The following WNK2 variants were observed in gnomAD, a reference collection of about 807,000 sequenced individuals.
WNK2 encodes the protein serine/threonine-protein kinase WNK2.
WNK2 carries 67 observed loss-of-function variants against 192.1 expected under a neutral mutation model. The observed-to-expected ratio is 0.35, with a 90% CI of 0.29 to 0.43. The LOEUF (loss-of-function observed/expected upper bound fraction) is 0.43, where lower values mean the gene tolerates loss of function less well. Ranked by LOEUF, WNK2 falls within the 20% of genes least tolerant of loss-of-function variation. The pLI, the probability that WNK2 is intolerant of heterozygous loss-of-function variation, is 1.00. For missense variants in WNK2, 2,698 were observed against 3,089.7 expected, an observed-to-expected ratio of 0.87 and a Z score of 3.01; for synonymous variants, 1,439 against 1,393.9, an observed-to-expected ratio of 1.03 and a Z score of -0.72.
At position 93,257,109 on chromosome 9, in the gene WNK2, C is replaced by T. The variant is rs1564101961; in HGVS notation, c.2352C>T (p.Pro784=). Residue 784 remains proline, a synonymous_variant, in exon 11 of 30, where the codon CCC becomes CCT. Transcript: ENST00000427277. This position sits in a 1 kb window ranked among gnomAD's most constrained non-coding sequence, Gnocchi z 4.7. ...QLKPLQMPQA[P]LQPLAQVPPQ... is the part of the protein sequence containing the mutation. ...AGCCCCTCCAGATGCCACAGGCGCCCCTGCAGCCGCTTGCTCAAGTCCCTC... is the reference window on the plus strand; with the variant it reads ...AGCCCCTCCAGATGCCACAGGCGCCTCTGCAGCCGCTTGCTCAAGTCCCTC... 4.4e-6 allele frequency: 7 copies of T among 1,608,940 alleles called. No homozygotes were observed. The highest frequency in any genetic ancestry group is 5.9e-6 in the Non-Finnish European group (7 of 1,179,028).
At chr9:93,237,857 CT>C (rs35498888) in intron 5 of WNK2, among the ~76,000 whole-genome samples, 23,765 of 143,782 alleles carry the variant, frequency 0.17, 2,058 homozygotes, top group East Asian at 0.32. Context: ...ACTTGGGGCT[CT>C]TTTTTTTTTT....
chr9:93,262,800 T>G, intron 14 of WNK2, 81 bp downstream of exon 14: 1 of 1,496,606 alleles, frequency 6.7e-7, no homozygotes, highest in Non-Finnish European at 9.2e-7. Context: ...CTCCTGCTGC[T>G]GCTTCCCCTG....
chr9:93,230,733 G>A (rs34834050), intron 3 of WNK2, among the ~76,000 whole-genome samples, 155 bp from the exon 4 acceptor site: 21,940 of 152,228 alleles, frequency 0.14, 1,663 homozygotes, highest in South Asian at 0.28. Flanking sequence ...GGAACTGTCC[G>A]GCCCTCCCGT....
chr9:93,263,281 G>A (rs1267066348), intron 14 of WNK2: 1 of 515,424 alleles, frequency 1.9e-6, no homozygotes, highest in Non-Finnish European at 3.5e-6. Context: ...GGGAAACTGA[G>A]GCACAGGGGC....
intron 2 of WNK2, among the ~76,000 whole-genome samples, chr9:93,225,070 C>T (rs193049870): frequency 4.6e-5 from 7 of 152,156 alleles, no homozygotes; most frequent in Admixed American, 4.6e-4. Context: ...GGGCTCTGGG[C>T]AGGGCTCAGA....
At chr9:93,190,486 G>A (rs1238346337) in intron 2 of WNK2, among the ~76,000 whole-genome samples, 1 of 152,250 alleles carries the variant, frequency 6.6e-6, no homozygotes, top group African/African-American at 2.4e-5. Context: ...CCAGAGGGAG[G>A]ACCCCAGCAC....
intron 9 of WNK2, among the ~76,000 whole-genome samples, chr9:93,254,807 T>C (rs769430044): frequency 6.6e-6 from 1 of 151,576 alleles, no homozygotes; most frequent in Non-Finnish European, 1.5e-5. Context: ...CTACAACAAA[T>C]TTAAAAAAAA....
chr9:93,211,485 C>G (rs937097024), intron 2 of WNK2, among the ~76,000 whole-genome samples: 1 of 148,628 alleles, frequency 6.7e-6, no homozygotes. Context: ...CACTCACTCA[C>G]TCATCCACTC....
At chr9:93,240,526 C>T (rs1390589199) in intron 7 of WNK2, among the ~76,000 whole-genome samples, 1 of 152,122 alleles carries the variant, frequency 6.6e-6, no homozygotes, top group East Asian at 1.9e-4. Flanking sequence ...TTGGGGCTGG[C>T]AGCAGAAGTG....
Position 93,202,364 on chromosome 9 carries a change from G to GTGTGTGTGTA in WNK2, c.681+16757_681+16758insGTGTGTATGT, listed in dbSNP as rs576221975. 2.7e-3 allele frequency among the ~76,000 whole-genome samples: 392 copies of GTGTGTGTGTA among 146,112 alleles called. 1 individual carries two copies. The highest frequency in any genetic ancestry group is 8.2e-3 in the African/African-American group (327 of 39,816). On this transcript the variant is annotated intron_variant, in intron 2 of 29. Coordinates refer to ENST00000427277, the MANE Select transcript of WNK2 (RefSeq NM_006648.4). ...TGTGTGTGTGTGTGTGTGTGTGTGT[G>GTGTGTGTGTA]TGTATGTCTCGTCTTTGGCTCGTTT... is the stretch of plus-strand genomic sequence containing the variant.
chr9:93,197,840 G>A (rs1831551445), intron 2 of WNK2, among the ~76,000 whole-genome samples: 1 of 152,122 alleles, frequency 6.6e-6, no homozygotes, highest in Admixed American at 6.6e-5. Flanking sequence ...GTTTCTGTAC[G>A]ACCGTGTGAG....
At chr9:93,212,407 C>T (rs1351197484) in intron 2 of WNK2, among the ~76,000 whole-genome samples, 2 of 152,172 alleles carry the variant, frequency 1.3e-5, no homozygotes, top group Non-Finnish European at 2.9e-5. Flanking sequence ...TGGCCCCAGC[C>T]CCATCTGTCT....
chr9:93,320,329 G>A (rs772605959), intron 29 of WNK2, 38 bp from the exon 30 acceptor site: 42 of 1,367,292 alleles, frequency 3.1e-5, no homozygotes, highest in Middle Eastern at 2.1e-4. Context: ...CCAGCACTGC[G>A]GTGGGCCCAC....
In WNK2 at chr9:93,289,582, G is replaced by A. The variant is rs1221624618; in HGVS notation, c.4828G>A (p.Glu1610Lys). 1 of 1,517,748 alleles carries A rather than the reference G, an allele frequency of 6.6e-7. No homozygotes were observed. The allele number at this position is 1,517,748 out of a possible 1,614,324, so 94.0% of individuals were successfully genotyped here. Residue 1610 changes from glutamate (E) to lysine (K), a missense_variant, in exon 20 of 30, where the codon GAG becomes AAG. Physicochemically the swap from Glu to Lys is moderately conservative, Grantham distance 56. Transcript: ENST00000427277. ...CCTGGCCCTGCCCCCAGTGCCTAAG[G>A]AGGCGGTCTCAGGGCGTGTCCAGCT... Reference protein sequence around the residue: ...GDLALPPVPKEAVSGRVQLPQ... With the variant: ...GDLALPPVPKKAVSGRVQLPQ...
At chr9:93,302,509 C>T (rs756676759) in intron 26 of WNK2, among the ~76,000 whole-genome samples, 15 of 152,178 alleles carry the variant, frequency 9.9e-5, no homozygotes, top group Non-Finnish European at 1.9e-4. Context: ...TGGGGCACTC[C>T]CACTTCCTGG....
At chr9:93,235,409 C>T (rs1839635136) in intron 5 of WNK2, among the ~76,000 whole-genome samples, 1 of 152,252 alleles carries the variant, frequency 6.6e-6, no homozygotes, top group Admixed American at 6.5e-5. Context: ...ATTTCTTTTT[C>T]AGCTAAACCA....
intron 2 of WNK2, among the ~76,000 whole-genome samples, chr9:93,196,207 C>G (rs184841843): frequency 6.6e-6 from 1 of 152,062 alleles, no homozygotes; most frequent in East Asian, 1.9e-4. Flanking sequence ...TGGAGGGTCA[C>G]GGGCTCCCTC....
At chr9:93,195,434 C>T (rs886728226) in intron 2 of WNK2, among the ~76,000 whole-genome samples, 5 of 152,082 alleles carry the variant, frequency 3.3e-5, no homozygotes, top group Non-Finnish European at 5.9e-5. Flanking sequence ...CGCGGTGGCT[C>T]ACACCTATAA....
chr9:93,199,010 C>T (rs1831835452), intron 2 of WNK2, among the ~76,000 whole-genome samples: 2 of 152,230 alleles, frequency 1.3e-5, no homozygotes, highest in African/African-American at 4.8e-5. Context: ...GAGGCCTGCT[C>T]AGTCCCAGCC....
Sources: gnomAD v4.1 joint callset for allele counts (sites outside exome capture counted in the v4.1 genomes callset) on GRCh38, gnomAD v4.1.1 for gene constraint, Gnocchi (gnomAD v3.1) non-coding constraint, MANE v1.5 for transcripts, NCBI Gene and HGNC (gene_info 2026-07-23, HGNC 2026-07-21) for gene names.